Variants in CELF4 observed in about 807,000 individuals in gnomAD.
CELF4 encodes the protein CUG-BP- and ETR-3-like factor 4.
A neutral mutation model predicts 59.9 loss-of-function variants in CELF4; 18 were observed. The ratio of observed to expected loss-of-function variants is 0.30; its 90% confidence interval spans 0.21 to 0.45. The LOEUF (loss-of-function observed/expected upper bound fraction) is 0.45. CELF4 is among the 20% of genes least tolerant of loss of function. The pLI, the probability that CELF4 is intolerant of heterozygous loss-of-function variation, is 1.00. For missense variants in CELF4, 456 were observed against 689.0 expected, an observed-to-expected ratio of 0.66 and a Z score of 3.79; for synonymous variants, 261 against 267.1, an observed-to-expected ratio of 0.98 and a Z score of 0.22.
rs577996110 is a variant in CELF4, at chr18:37,378,960, C to A, written c.370-57079G>T. Among the ~76,000 whole-genome samples, 48 of 152,314 alleles carry A rather than the reference C, an allele frequency of 3.2e-4. No homozygotes were observed. The South Asian group carries it at 9.7e-3, about 31-fold the overall frequency. ...TGTTCTCTGCAAGGCTGATACATCC[C>A]CTTCACCAGAAGGTCTCCCAGGAGC... On this transcript the variant is annotated intron_variant, in intron 2 of 12. Transcript: ENST00000420428.
chr18:37,273,198 T>C (rs1379064958), intron 6 of CELF4, 35 bp from the exon 7 acceptor site: 1 of 1,589,948 alleles, frequency 6.3e-7, no homozygotes. Flanking sequence ...TATCACGTGC[T>C]TCCAGGGGGC....
chr18:37,424,129 A>C (rs1325197306), intron 2 of CELF4, among the ~76,000 whole-genome samples: 1 of 152,114 alleles, frequency 6.6e-6, no homozygotes. Context: ...TTTTGCACGA[A>C]CCTAATAGCT....
chr18:37,405,427 T>C (rs555432111), intron 2 of CELF4, among the ~76,000 whole-genome samples: 7 of 152,332 alleles, frequency 4.6e-5, no homozygotes, highest in African/African-American at 1.7e-4. Context: ...GCCCAGTTCT[T>C]TCTCTGTGGT....
intron 1 of CELF4, among the ~76,000 whole-genome samples, chr18:37,492,555 GAC>G (rs2099909457): frequency 6.6e-6 from 1 of 152,178 alleles, no homozygotes; most frequent in Admixed American, 6.5e-5. Flanking sequence ...GGTGGGCAAA[GAC>G]AGTCTTCCTG....
chr18:37,266,310 C>T, intron 9 of CELF4: 1 of 604,218 alleles, frequency 1.7e-6, no homozygotes, highest in East Asian at 2.8e-5. Context: ...CTGGCCTGCC[C>T]ACTTGCCTGA....
At chr18:37,491,183 A>T (rs1405552849) in intron 1 of CELF4, among the ~76,000 whole-genome samples, 1 of 133,330 alleles carries the variant, frequency 7.5e-6, no homozygotes, top group East Asian at 2.3e-4. Flanking sequence ...TGCCGTGCCC[A>T]CCTCCTCTCC....
intron 1 of CELF4, among the ~76,000 whole-genome samples, chr18:37,531,311 A>G (rs1240528250): frequency 1.3e-5 from 2 of 152,026 alleles, no homozygotes; most frequent in Non-Finnish European, 2.9e-5. Flanking sequence ...CAGCCCCCCA[A>G]GGTCCCTTGA....
At chr18:37,458,130 C>T (rs994999244) in intron 2 of CELF4, among the ~76,000 whole-genome samples, 1 of 152,184 alleles carries the variant, frequency 6.6e-6, no homozygotes, top group African/African-American at 2.4e-5. Flanking sequence ...GCAAGGAGCC[C>T]TTTCCCGGGA....
chr18:37,526,181 T>G (rs1388817392), intron 1 of CELF4, among the ~76,000 whole-genome samples: 2 of 152,214 alleles, frequency 1.3e-5, no homozygotes, highest in Non-Finnish European at 2.9e-5. Context: ...TGGGACGATT[T>G]CCTGGTCTCA....
At chr18:37,352,686 T>C (rs1027377780) in intron 2 of CELF4, among the ~76,000 whole-genome samples, 5 of 152,156 alleles carry the variant, frequency 3.3e-5, no homozygotes, top group Non-Finnish European at 7.3e-5. Context: ...CCTTCATCAC[T>C]ATTCTCAGCC....
intron 2 of CELF4, among the ~76,000 whole-genome samples, chr18:37,347,223 C>T (rs1004166111): frequency 1.3e-5 from 2 of 152,044 alleles, no homozygotes; most frequent in Non-Finnish European, 2.9e-5. Context: ...AGCCCCAGAG[C>T]GTGGAGGAGG....
intron 2 of CELF4, among the ~76,000 whole-genome samples, chr18:37,465,428 G>T (rs2099805257): frequency 6.6e-6 from 1 of 152,178 alleles, no homozygotes; most frequent in Non-Finnish European, 1.5e-5. Flanking sequence ...TGCCAGCCGG[G>T]TTATGGTGGA....
rs2060925886 is a variant in CELF4, at chr18:37,243,312, G to A, written c.*1930C>T. Reference sequence around the variant, plus strand: ...AAAGGAAAGGCAGGAGGCCCTAGAGGAACTGGAAATTTGTTCTTCTAAAGG... The same window carrying A: ...AAAGGAAAGGCAGGAGGCCCTAGAGAAACTGGAAATTTGTTCTTCTAAAGG... On this transcript the variant is annotated 3_prime_UTR_variant, in exon 13 of 13. Coordinates refer to ENST00000420428, the MANE Select transcript of CELF4 (RefSeq NM_020180.4). 6.6e-6 allele frequency: 1 copy of A among 151,526 alleles called. No homozygotes were observed. Among genetic ancestry groups the A allele is most frequent in the African/African-American group, 2.4e-5 (1 of 41,214 alleles). 9.4% of individuals were successfully genotyped at this position (151,526 alleles called of 1,614,324 possible).
At chr18:37,442,259 G>T (rs572484498) in intron 2 of CELF4, among the ~76,000 whole-genome samples, 10 of 152,122 alleles carry the variant, frequency 6.6e-5, no homozygotes, top group Non-Finnish European at 1.2e-4. Flanking sequence ...ATGCCTCCAG[G>T]CCCACATTCA....
intron 1 of CELF4, among the ~76,000 whole-genome samples, chr18:37,531,720 C>T (rs1400119263): frequency 6.6e-6 from 1 of 152,166 alleles, no homozygotes; most frequent in Non-Finnish European, 1.5e-5. Context: ...GTGGCACCGT[C>T]CTGTGCTAGG....
At chr18:37,299,477 T>G (rs925655273) in intron 3 of CELF4, among the ~76,000 whole-genome samples, 2 of 151,952 alleles carry the variant, frequency 1.3e-5, no homozygotes, top group African/African-American at 4.8e-5. Context: ...ATGGGAGCCT[T>G]GGGCCACGTG....
chr18:37,499,094 C>T (rs2099928525), intron 1 of CELF4, among the ~76,000 whole-genome samples: 1 of 152,204 alleles, frequency 6.6e-6, no homozygotes, highest in South Asian at 2.1e-4. Context: ...TATAACCACA[C>T]TCATACACAC....
intron 2 of CELF4, among the ~76,000 whole-genome samples, chr18:37,322,994 C>T (rs554165978): frequency 6.6e-6 from 1 of 152,166 alleles, no homozygotes; most frequent in Non-Finnish European, 1.5e-5. Flanking sequence ...CTGTCCTGCG[C>T]TTTGAGACCT....
intron 2 of CELF4, among the ~76,000 whole-genome samples, chr18:37,420,909 A>G (rs2154593744): frequency 6.6e-6 from 1 of 152,318 alleles, no homozygotes; most frequent in East Asian, 1.9e-4. Flanking sequence ...TTTCCCATTA[A>G]GAGCCTCATG....
Sources: allele counts gnomAD v4.1 joint callset (sites outside exome capture counted in the v4.1 genomes callset), GRCh38; gene constraint gnomAD v4.1.1; transcripts MANE v1.5; gene names NCBI Gene and HGNC (gene_info 2026-07-23, HGNC 2026-07-21).